MOXD1: variants seen among roughly 807,000 people sequenced by gnomAD.
MOXD1 encodes DBH-like monooxygenase protein 1.
Under a neutral mutation model 66.6 loss-of-function variants are expected in MOXD1, and 62 were observed. The ratio of observed to expected loss-of-function variants is 0.93; its 90% confidence interval spans 0.76 to 1.15. MOXD1 has a LOEUF of 1.15. MOXD1 is among the 50% of genes most tolerant of loss of function. MOXD1 has a pLI of 0.00. For synonymous variants in MOXD1, 303 were observed against 281.9 expected (o/e 1.07, Z -0.75); for missense variants, 847 against 754.6 (o/e 1.12, Z -1.44).
Position 132,322,709 on chromosome 6 carries a change from C to T in MOXD1, c.1275G>A (p.Gln425=). 6.2e-7 allele frequency: 1 copy of T among 1,613,768 alleles called. No homozygotes were observed. Among genetic ancestry groups the T allele is most frequent in the Non-Finnish European group, 8.5e-7 (1 of 1,179,846 alleles). Residue 425 remains glutamine (Q), a synonymous_variant, in exon 8 of 12, where the codon CAG becomes CAA. Transcript: ENST00000367963. ...DDFDFNFQEF[Q]YLKEEQTILP... ...AGATTGTTTGTTCTTCCTTTAGATA[C>T]TGAAACTCCTGGAAATTGAAGTCAA...
intron 4 of MOXD1, among the ~76,000 whole-genome samples, chr6:132,367,649 C>T (rs1333570216): frequency 6.6e-6 from 1 of 151,992 alleles, no homozygotes; most frequent in Non-Finnish European, 1.5e-5. Flanking sequence ...TAAATAGTTG[C>T]CTGATCATAA....
chr6:132,303,908 C>A (rs1240478481), intron 10 of MOXD1, among the ~76,000 whole-genome samples: 1 of 133,176 alleles, frequency 7.5e-6, no homozygotes, highest in African/African-American at 2.9e-5. Context: ...TAGGACAATT[C>A]TCTGGGTGGC....
chr6:132,321,411 T>C (rs569028205), intron 8 of MOXD1, among the ~76,000 whole-genome samples: 9 of 152,356 alleles, frequency 5.9e-5, no homozygotes, highest in Admixed American at 3.9e-4. Flanking sequence ...ATTATTTTCT[T>C]TAAAGGTCTC....
At chr6:132,354,999 A>G (rs1018656118) in intron 4 of MOXD1, among the ~76,000 whole-genome samples, 11 of 152,090 alleles carry the variant, frequency 7.2e-5, no homozygotes, top group African/African-American at 1.9e-4. Context: ...TCTCCCTCCC[A>G]TCATGCCCCT....
chr6:132,328,472 C>A lies in MOXD1; in HGVS notation c.786G>T (p.Met262Ile). 1.2e-6 allele frequency: 2 copies of A among 1,614,124 alleles called. No individual in the cohort carries two copies. The highest frequency in any genetic ancestry group is 1.1e-5 in the South Asian group (1 of 91,068). Residue 262 changes from methionine (M) to isoleucine (I), a missense_variant, in exon 5 of 12, where the codon ATG becomes ATT. Physicochemically the swap from Met to Ile is conservative, Grantham distance 10. Transcript: ENST00000367963. ...ESGHECYHPN[M>I]PDAFLTCETV... ...TTTCACAGGTGAGGAATGCATCGGG[C>A]ATGTTGGGGTGATAGCACTCGTGGC...
intron 4 of MOXD1, among the ~76,000 whole-genome samples, chr6:132,356,523 G>A (rs561558929): frequency 5.9e-5 from 9 of 152,230 alleles, no homozygotes; most frequent in East Asian, 5.8e-4. Flanking sequence ...GCAATCTAGC[G>A]TATAGGAATG....
chr6:132,372,832 C>G lies in MOXD1; in HGVS notation c.577G>C (p.Asp193His). The change falls in exon 3 of 12, where the codon GAC (aspartate) becomes CAC (histidine). Residue 193 changes from aspartate (D) to histidine (H), a missense_variant and splice_region_variant. By Grantham distance (81) the Asp-to-His change is moderately conservative. Coordinates refer to ENST00000367963, the MANE Select transcript of MOXD1 (RefSeq NM_015529.4). ...TCATAAAACCTGAAAACACTTACGTCCTGATTTACCAGATCAAAGTATGGT... is the reference window on the plus strand; with the variant it reads ...TCATAAAACCTGAAAACACTTACGTGCTGATTTACCAGATCAAAGTATGGT... ...ALPYFDLVNQDVPIPNKDTTY... is the reference protein window; with the variant it reads ...ALPYFDLVNQHVPIPNKDTTY... 6.2e-7 allele frequency: 1 copy of G among 1,613,670 alleles called. No individual in the cohort carries two copies. Among genetic ancestry groups the G allele is most frequent in the Non-Finnish European group, 8.5e-7 (1 of 1,179,706 alleles).
chr6:132,307,712 C>T (rs1421038939), intron 10 of MOXD1, among the ~76,000 whole-genome samples: 1 of 152,106 alleles, frequency 6.6e-6, no homozygotes, highest in Non-Finnish European at 1.5e-5. Flanking sequence ...TCAGGATTAA[C>T]AAACTCACTC....
intron 6 of MOXD1, among the ~76,000 whole-genome samples, chr6:132,325,694 T>C (rs952105440): frequency 1.3e-5 from 2 of 152,234 alleles, no homozygotes; most frequent in African/African-American, 4.8e-5. Flanking sequence ...AGTTACCTAA[T>C]CTGTGCTTCA....
chr6:132,339,707 T>C (rs940143424), intron 4 of MOXD1, among the ~76,000 whole-genome samples: 1 of 151,786 alleles, frequency 6.6e-6, no homozygotes, highest in African/African-American at 2.4e-5. Flanking sequence ...TGTAGACTTT[T>C]ACATGGTAGC....
chr6:132,362,550 C>T (rs1026103501), intron 4 of MOXD1, among the ~76,000 whole-genome samples: 10 of 152,118 alleles, frequency 6.6e-5, no homozygotes, highest in Non-Finnish European at 1.5e-4. Context: ...TATATCTCTT[C>T]GTGTTTTAGA....
intron 1 of MOXD1, among the ~76,000 whole-genome samples, chr6:132,381,104 G>A (rs1030369582): frequency 5.3e-5 from 8 of 152,156 alleles, no homozygotes; most frequent in Non-Finnish European, 8.8e-5. Flanking sequence ...TATATCCTCA[G>A]TACCTAACAA....
intron 4 of MOXD1, among the ~76,000 whole-genome samples, chr6:132,351,883 T>C (rs1370186488): frequency 6.6e-6 from 1 of 152,202 alleles, no homozygotes; most frequent in Non-Finnish European, 1.5e-5. Context: ...TCCAGAAATT[T>C]ATCCATCTCT....
At chr6:132,363,930 T>A (rs1776066174) in intron 4 of MOXD1, among the ~76,000 whole-genome samples, 1 of 152,156 alleles carries the variant, frequency 6.6e-6, no homozygotes, top group Admixed American at 6.5e-5. Context: ...TTACTAATTT[T>A]TATAATGAAT....
intron 1 of MOXD1, chr6:132,391,261 T>C (rs1238837034): frequency 7.0e-6 from 1 of 143,174 alleles, no homozygotes; most frequent in African/African-American, 2.4e-5. Flanking sequence ...TTTCTCACAA[T>C]GTTTGGCTAA....
At chr6:132,369,272 G>T (rs949425231) in intron 4 of MOXD1, among the ~76,000 whole-genome samples, 1 of 152,082 alleles carries the variant, frequency 6.6e-6, no homozygotes, top group Non-Finnish European at 1.5e-5. Context: ...GCACGTTGCT[G>T]TCAATCGGAA....
At chr6:132,329,506 C>T (rs956740410) in intron 4 of MOXD1, among the ~76,000 whole-genome samples, 1 of 152,012 alleles carries the variant, frequency 6.6e-6, no homozygotes, top group African/African-American at 2.4e-5. Flanking sequence ...CACAAACGCT[C>T]TTAGTCTCCC....
intron 1 of MOXD1, among the ~76,000 whole-genome samples, chr6:132,379,119 A>AAAATAG (rs1171699043): frequency 1.3e-5 from 2 of 151,700 alleles, no homozygotes; most frequent in African/African-American, 4.8e-5. Flanking sequence ...TATTTCCTTA[A>AAAATAG]AAATAGAAAT....
intron 10 of MOXD1, among the ~76,000 whole-genome samples, chr6:132,308,368 G>A (rs2114540924): frequency 6.6e-6 from 1 of 152,244 alleles, no homozygotes; most frequent in Middle Eastern, 3.4e-3. Flanking sequence ...TGAAGTTGAG[G>A]CAGTAATTAA....
Sources: gnomAD v4.1 joint callset for allele counts (sites outside exome capture counted in the v4.1 genomes callset) on GRCh38, gnomAD v4.1.1 for gene constraint, MANE v1.5 for transcripts, NCBI Gene and HGNC (gene_info 2026-07-23, HGNC 2026-07-21) for gene names.